Variants in KIFBP observed in about 807,000 individuals in gnomAD.
KIFBP encodes kinesin family binding protein.
A neutral mutation model predicts 58.9 loss-of-function variants in KIFBP; 46 were observed. The ratio of observed to expected loss-of-function variants is 0.78; its 90% CI spans 0.62 to 1.00. KIFBP has a LOEUF of 1.00. KIFBP is among the 50% of genes least tolerant of loss of function. The probability of loss-of-function intolerance (pLI) is 0.00; values close to 1 mark genes in which losing one functional copy is unlikely to be tolerated. For missense variants in KIFBP, 651 were observed against 752.9 expected (o/e 0.86, Z 1.58); for synonymous variants, 241 against 283.4 (o/e 0.85, Z 1.50).
rs201068859 is a variant in KIFBP at position 68,989,034 on chromosome 10, G to T, written c.202G>T (p.Gly68Cys). 1 of 1,613,618 alleles carries T rather than the reference G, an allele frequency of 6.2e-7. No homozygotes were observed. Among genetic ancestry groups the T allele is most frequent in the African/African-American group, 1.3e-5 (1 of 75,068 alleles). ...GCGGCCTGAGGCCGAGGACGGCCCGGGTGCCGGTGACCACGCCCTGGGGCT... is the reference window on the plus strand; with the variant it reads ...GCGGCCTGAGGCCGAGGACGGCCCGTGTGCCGGTGACCACGCCCTGGGGCT... ...DERPEAEDGP[G>C]AGDHALGLPA... Residue 68 changes from glycine (G) to cysteine (C), a missense_variant, in exon 1 of 7, where the codon GGT becomes TGT. By Grantham distance (159) the Gly-to-Cys change is radical. Transcript: ENST00000361983.
chr10:68,996,802 A>C (rs1258053202), intron 1 of KIFBP, among the ~76,000 whole-genome samples: 2 of 147,440 alleles, frequency 1.4e-5, no homozygotes, highest in African/African-American at 2.5e-5. Flanking sequence ...GCAGTGAGCC[A>C]AGATCGTGCC....
In KIFBP at chr10:68,988,982, C is replaced by G. The variant is rs112658372; in HGVS notation, c.150C>G (p.Leu50=). ...RALLEEVKAL[L]GPAPEDEDER... is the part of the protein sequence containing the mutation. Reference sequence around the variant, plus strand: ...TACTGGAAGAGGTCAAGGCGCTGCTCGGCCCTGCGCCTGAGGACGAGGATG... The same window carrying G: ...TACTGGAAGAGGTCAAGGCGCTGCTGGGCCCTGCGCCTGAGGACGAGGATG... The change falls in exon 1 of 7, where the codon CTC becomes CTG. Residue 50 remains leucine, a synonymous_variant. Coordinates refer to ENST00000361983, the MANE Select transcript of KIFBP (RefSeq NM_015634.4). The G allele has an allele frequency of 6.2e-7, 1 of 1,614,210 alleles. No individual in the cohort carries two copies. Among genetic ancestry groups the G allele is most frequent in the East Asian group, 2.2e-5 (1 of 44,870 alleles).
chr10:69,005,695 A>G (rs1843527800), intron 3 of KIFBP, 37 bp from the exon 4 acceptor site: 3 of 1,494,036 alleles, frequency 2.0e-6, no homozygotes, highest in Non-Finnish European at 2.8e-6. Context: ...AAACAAGTAA[A>G]CCATTACACA....
chr10:68,991,074 C>T (rs967141646), intron 1 of KIFBP: 1 of 152,154 alleles, frequency 6.6e-6, no homozygotes, highest in Non-Finnish European at 1.5e-5. Context: ...AGTTCAAGAC[C>T]AACCTGGGCA....
At chr10:68,998,896 C>T (rs1055091131) in intron 1 of KIFBP, among the ~76,000 whole-genome samples, 3 of 150,096 alleles carry the variant, frequency 2.0e-5, no homozygotes, top group Non-Finnish European at 3.0e-5. Flanking sequence ...CTGCCTCAGC[C>T]TCCCAAGTAG....
At chr10:68,993,365 T>G (rs1843371169) in intron 1 of KIFBP, among the ~76,000 whole-genome samples, 1 of 152,222 alleles carries the variant, frequency 6.6e-6, no homozygotes. Flanking sequence ...CTGACCTTGC[T>G]TGGTTCTCCC....
At chr10:68,991,748 C>T (rs534836572) in intron 1 of KIFBP, 1 of 154,922 alleles carries the variant, frequency 6.5e-6, no homozygotes, top group Admixed American at 6.5e-5. Flanking sequence ...CCACACATCC[C>T]TTCTTGTAGA....
intron 4 of KIFBP, 67 bp downstream of exon 4, chr10:69,005,982 C>G: frequency 7.3e-7 from 1 of 1,375,526 alleles, no homozygotes; most frequent in Non-Finnish European, 1.0e-6. Flanking sequence ...ACCAGTAGTA[C>G]CTTGAAAATA....
At chr10:68,989,674 T>A (rs761854344) in intron 1 of KIFBP, 4 of 203,226 alleles carry the variant, frequency 2.0e-5, no homozygotes, top group Admixed American at 5.5e-5. Flanking sequence ...ATGACCGGAG[T>A]ACATTCTTTT....
chr10:68,996,589 A>G (rs1045056624), intron 1 of KIFBP, among the ~76,000 whole-genome samples: 1 of 150,464 alleles, frequency 6.6e-6, no homozygotes, highest in Non-Finnish European at 1.5e-5. Flanking sequence ...ATGGTGGCTA[A>G]CACCTGTAAT....
At chr10:69,015,460 A>C (rs999120814) in intron 6 of KIFBP, 81 bp from the exon 7 acceptor site, 21 of 1,385,054 alleles carry the variant, frequency 1.5e-5, no homozygotes, top group Non-Finnish European at 2.0e-5. Flanking sequence ...CTTCTAAAAA[A>C]CTCTGAAGTT....
Position 69,005,076 on chromosome 10 carries a change from C to T in KIFBP, c.556C>T (p.Arg186Cys), listed in dbSNP as rs200098813. Residue 186 changes from arginine (R) to cysteine (C), a missense_variant, in exon 3 of 7, where the codon CGT (arginine) becomes TGT (cysteine). Coordinates refer to ENST00000361983, the MANE Select transcript of KIFBP (RefSeq NM_015634.4). ...GAGTCCTCCTCTTGATCCTACTGAGCGTTTTCTTCCTGAAGAAGAGAAACT... is the reference window on the plus strand; with the variant it reads ...GAGTCCTCCTCTTGATCCTACTGAGTGTTTTCTTCCTGAAGAAGAGAAACT... ...VGSPPLDPTE[R>C]FLPEEEKLTE... is the part of the protein sequence containing the mutation. 5.9e-5 allele frequency: 95 copies of T among 1,613,470 alleles called. 1 individual carries two copies. In the South Asian group the frequency reaches 6.9e-4, roughly 12 times the overall value.
intron 1 of KIFBP, among the ~76,000 whole-genome samples, chr10:68,993,399 G>C (rs1417333863): frequency 6.6e-6 from 1 of 152,060 alleles, no homozygotes; most frequent in Non-Finnish European, 1.5e-5. Context: ...ATTTCTGTCT[G>C]TCTCTTTGCC....
chr10:69,000,162 A>G (rs1447720255), intron 1 of KIFBP, among the ~76,000 whole-genome samples: 10 of 152,184 alleles, frequency 6.6e-5, no homozygotes, highest in Non-Finnish European at 1.5e-4. Flanking sequence ...TAGTCGTGAG[A>G]AGCACATCAC....
intron 1 of KIFBP, among the ~76,000 whole-genome samples, chr10:68,998,006 C>G (rs143408805): frequency 1.3e-5 from 2 of 152,004 alleles, no homozygotes; most frequent in Non-Finnish European, 2.9e-5. Context: ...CCAGCCATAC[C>G]TCCTGTACAG....
chr10:69,008,377 T>TAAAAAA lies in KIFBP; in HGVS notation c.790-454_790-449dup, dbSNP rs1211667916. On this transcript the variant is annotated intron_variant, in intron 4 of 6. Transcript: ENST00000361983. Reference sequence around the variant, plus strand: ...GGGCCAGAGTGAGACCCCTGTCTCGTAAAAAAAAAAAAAAATATATATATA... The same window carrying TAAAAAA: ...GGGCCAGAGTGAGACCCCTGTCTCGTAAAAAAAAAAAAAAAAAAAAATATATATATA... Among the ~76,000 whole-genome samples, 20 of 75,420 alleles carry TAAAAAA rather than the reference T, an allele frequency of 2.7e-4. 3 individuals are homozygous for TAAAAAA. Among genetic ancestry groups the TAAAAAA allele is most frequent in the African/African-American group, 1.4e-3 (17 of 12,008 alleles). 49.5% of individuals were successfully genotyped at this position (75,420 alleles called of 152,430 possible).
At chr10:69,001,584 A>C (rs1298178943) in intron 2 of KIFBP, among the ~76,000 whole-genome samples, 1 of 151,902 alleles carries the variant, frequency 6.6e-6, no homozygotes, top group Non-Finnish European at 1.5e-5. Context: ...GTGAAATCCC[A>C]TCTCTACTAA....
intron 6 of KIFBP, 125 bp from the exon 7 acceptor site, chr10:69,015,416 C>T: frequency 1.2e-6 from 1 of 831,234 alleles, no homozygotes; most frequent in East Asian, 2.6e-5. Flanking sequence ...ATTATGATAC[C>T]CTTCTAAACC....
At chr10:69,011,683 CTTTTTTTTTTT>C (rs34786287) in intron 6 of KIFBP, among the ~76,000 whole-genome samples, 9 of 42,534 alleles carry the variant, frequency 2.1e-4, no homozygotes, top group Admixed American at 1.2e-3. Context: ...TGTGCCTAAT[CTTTTTTTTTTT>C]TTTTTTTTTT....
Sources: allele counts gnomAD v4.1 joint callset (sites outside exome capture counted in the v4.1 genomes callset), GRCh38; gene constraint gnomAD v4.1.1; transcripts MANE v1.5; gene names NCBI Gene and HGNC (gene_info 2026-07-23, HGNC 2026-07-21).